The following IPO8 variants were observed in gnomAD, a reference collection of about 807,000 sequenced individuals.
The protein encoded by IPO8 is importin 8.
A neutral mutation model predicts 141.2 loss-of-function variants in IPO8; 65 were observed. The ratio of observed to expected loss-of-function variants is 0.46; its 90% CI spans 0.38 to 0.57. IPO8 has a LOEUF of 0.57. IPO8 is among the 20% of genes least tolerant of loss of function. The pLI is 0.00. For missense variants in IPO8, 980 were observed against 1,246.8 expected (o/e 0.79, Z 3.22); for synonymous variants, 411 against 420.3 (o/e 0.98, Z 0.27).
intron 8 of IPO8, among the ~76,000 whole-genome samples, chr12:30,671,600 G>A (rs551860045): frequency 3.0e-4 from 45 of 150,284 alleles, no homozygotes; most frequent in Non-Finnish European, 5.8e-4. Flanking sequence ...CATGAACCCC[G>A]GAGGCGGAGC....
intron 2 of IPO8, among the ~76,000 whole-genome samples, chr12:30,685,699 C>A (rs572508159): frequency 6.6e-6 from 1 of 150,922 alleles, no homozygotes; most frequent in African/African-American, 2.4e-5. Context: ...CCGAGGCGGG[C>A]GGATCACCTG....
intron 10 of IPO8, among the ~76,000 whole-genome samples, 174 bp from the exon 11 acceptor site, chr12:30,666,425 C>T (rs986786481): frequency 1.3e-5 from 2 of 152,158 alleles, no homozygotes; most frequent in Admixed American, 1.3e-4. Context: ...TTGCTGTCTC[C>T]TGCACAAAAC....
intron 2 of IPO8, among the ~76,000 whole-genome samples, chr12:30,689,649 AT>A (rs1443453606): frequency 6.6e-6 from 1 of 152,158 alleles, no homozygotes; most frequent in Non-Finnish European, 1.5e-5. Context: ...ATTATGACCC[AT>A]TTCTCTGAAA....
intron 8 of IPO8, 97 bp downstream of exon 8, chr12:30,673,893 A>G (rs1164743574): frequency 1.5e-6 from 1 of 655,158 alleles, no homozygotes. Flanking sequence ...ATAAATATGT[A>G]ATGAATTAGT....
At chr12:30,665,954 A>G (rs558031331) in intron 11 of IPO8, 109 bp from the exon 12 acceptor site, 2 of 753,196 alleles carry the variant, frequency 2.7e-6, no homozygotes, top group Non-Finnish European at 4.4e-6. Flanking sequence ...ATTATGTTTT[A>G]TCAAGCAACT....
intron 8 of IPO8, 29 bp from the exon 9 acceptor site, chr12:30,671,125 C>T: frequency 6.8e-7 from 1 of 1,478,312 alleles, no homozygotes. Context: ...TACAGACTAA[C>T]ATAAACAATT....
At chr12:30,639,090 T>A (rs897563962) in intron 21 of IPO8, among the ~76,000 whole-genome samples, 25 of 152,128 alleles carry the variant, frequency 1.6e-4, no homozygotes, top group African/African-American at 5.8e-4. Flanking sequence ...AGAACAGGCA[T>A]CCCTGAGATC....
chr12:30,631,670 T>C, intron 24 of IPO8: 1 of 386,122 alleles, frequency 2.6e-6, no homozygotes, highest in Non-Finnish European at 4.7e-6. Flanking sequence ...AGAATGTGAA[T>C]GAGAACACCA....
At chr12:30,669,038 T>C in intron 10 of IPO8, 145 bp downstream of exon 10, 1 of 498,472 alleles carries the variant, frequency 2.0e-6, no homozygotes, top group Non-Finnish European at 3.5e-6. Context: ...CAAAATAACA[T>C]CAAACTCTCA....
At chr12:30,646,107 A>G (rs549604573) in intron 20 of IPO8, among the ~76,000 whole-genome samples, 52 of 152,316 alleles carry the variant, frequency 3.4e-4, no homozygotes, top group African/African-American at 1.2e-3. Context: ...ACACAAAAAT[A>G]CTTTTTAAAA....
chr12:30,665,384 C>T, intron 12 of IPO8, 75 bp from the exon 13 acceptor site: 1 of 849,880 alleles, frequency 1.2e-6, no homozygotes, highest in Non-Finnish European at 2.0e-6. Flanking sequence ...AGTGTGTTTA[C>T]TATGACTTGC....
chr12:30,689,987 A>G (rs972876389), intron 2 of IPO8, among the ~76,000 whole-genome samples: 2 of 152,224 alleles, frequency 1.3e-5, no homozygotes, highest in African/African-American at 4.8e-5. Context: ...TAAAAGAACG[A>G]TGTACAACAT....
intron 24 of IPO8, among the ~76,000 whole-genome samples, 190 bp from the exon 25 acceptor site, chr12:30,631,147 A>T (rs1177185838): frequency 6.6e-6 from 1 of 152,198 alleles, no homozygotes; most frequent in Non-Finnish European, 1.5e-5. Flanking sequence ...TGGTATGTTC[A>T]CTACCATCGG....
chr12:30,637,893 C>T (rs2052524090), intron 21 of IPO8, among the ~76,000 whole-genome samples: 1 of 152,122 alleles, frequency 6.6e-6, no homozygotes, highest in African/African-American at 2.4e-5. Flanking sequence ...TCACTTGCAG[C>T]GATTCAATGT....
Position 30,673,975 on chromosome 12 carries a change from G to A in IPO8, c.909+15C>T. 1 of 1,491,142 alleles carries A rather than the reference G, an allele frequency of 6.7e-7. No individual in the cohort carries two copies. The highest frequency in any genetic ancestry group is 2.3e-5 in the East Asian group (1 of 43,588). The allele number at this position is 1,491,142 out of a possible 1,614,324, so 92.4% of individuals were successfully genotyped here. A position where few individuals can be genotyped will look rare whatever the true frequency, so the allele number is the denominator to read the frequency against. On this transcript the variant is annotated intron_variant, in intron 8 of 24. Coordinates refer to ENST00000256079, the MANE Select transcript of IPO8 (RefSeq NM_006390.4). ...TAGTAACCATTATTCTATTTTAAAA[G>A]CATAAGTTTATTACCTGCTGAATGC... is the stretch of plus-strand genomic sequence containing the variant.
At position 30,671,006 on chromosome 12, in the gene IPO8, C is replaced by T; in HGVS notation, c.1000G>A (p.Val334Met). The change falls in exon 9 of 25, where the codon GTG becomes ATG. Residue 334 changes from valine (V) to methionine (M), a missense_variant. By Grantham distance (21) the Val-to-Met change is conservative (BLOSUM62 1). Around this residue, in one of 3 missense-constraint regions of IPO8, gnomAD observed 924 missense variants for 1,153.9 expected, o/e 0.80. Transcript: ENST00000256079. ...TGCTTCCAGGTTATAGAATGAACCA[C>T]CCCTTGGTTGAGATAGTTGAATGCT... ...QQAFNYLNQGVVHSITWKQMK... is the reference protein window; with the variant it reads ...QQAFNYLNQGMVHSITWKQMK... 6.2e-7 allele frequency: 1 copy of T among 1,613,726 alleles called. No individual in the cohort carries two copies. Among genetic ancestry groups the T allele is most frequent in the Non-Finnish European group, 8.5e-7 (1 of 1,179,686 alleles).
intron 15 of IPO8, among the ~76,000 whole-genome samples, chr12:30,662,009 T>C (rs974850334): frequency 1.3e-5 from 2 of 152,208 alleles, no homozygotes; most frequent in African/African-American, 4.8e-5. Context: ...TGCTTGAACA[T>C]CATTGAATGT....
chr12:30,670,916 A>T lies in IPO8; in HGVS notation c.1044+46T>A, dbSNP rs1591838147. ...AATACTAACTTTGTCTAGAAAACCT[A>T]ATTTAACCAGAGAATAATTTTGGAG... On this transcript the variant is annotated intron_variant, in intron 9 of 24. Transcript: ENST00000256079. 4 of 1,555,350 alleles carry T rather than the reference A, an allele frequency of 2.6e-6. No individual in the cohort carries two copies. In the East Asian group the frequency reaches 9.0e-5, roughly 35 times the overall value.
Position 30,639,589 on chromosome 12 carries a change from C to A in IPO8, c.2415G>T (p.Gln805His). 6.2e-7 allele frequency: 1 copy of A among 1,614,028 alleles called. No individual in the cohort carries two copies. The highest frequency in any genetic ancestry group is 1.3e-5 in the African/African-American group (1 of 75,010). ...TGATAGGTCCAGGGTTGTGAGGCAACTGAATTCGTTCTAAAGTATGTAGCA... is the reference window on the plus strand; with the variant it reads ...TGATAGGTCCAGGGTTGTGAGGCAAATGAATTCGTTCTAAAGTATGTAGCA... ...DLLLHTLERI[Q>H]LPHNPGPITV... Residue 805 changes from glutamine to histidine, a missense_variant, in exon 21 of 25, where the codon CAG (glutamine) becomes CAT (histidine). Gln to His is a conservative substitution (Grantham distance 24, BLOSUM62 0). Coordinates refer to ENST00000256079, the MANE Select transcript of IPO8 (RefSeq NM_006390.4).
Sources: gnomAD v4.1 joint callset for allele counts (sites outside exome capture counted in the v4.1 genomes callset) on GRCh38, gnomAD v4.1.1 for gene constraint, gnomAD v4.1.1 regional missense constraint, MANE v1.5 for transcripts, NCBI Gene and HGNC (gene_info 2026-07-23, HGNC 2026-07-21) for gene names.